KIF26B: variants seen among roughly 807,000 people sequenced by gnomAD.
The protein encoded by KIF26B is kinesin family member 26B.
KIF26B carries 63 observed loss-of-function variants against 151.2 expected under a neutral mutation model. The ratio of observed to expected loss-of-function variants is 0.42; its 90% CI spans 0.34 to 0.51. KIF26B has a LOEUF of 0.51. KIF26B is among the 20% of genes least tolerant of loss of function. KIF26B has a pLI of 0.07. For missense variants in KIF26B, 2,813 were observed against 2,913.6 expected, an observed-to-expected ratio of 0.97 and a Z score of 0.79; for synonymous variants, 1,357 against 1,262.1, an observed-to-expected ratio of 1.08 and a Z score of -1.59.
intron 5 of KIF26B, among the ~76,000 whole-genome samples, chr1:245,566,876 G>A (rs1363786941): frequency 3.9e-5 from 6 of 152,300 alleles, no homozygotes; most frequent in Middle Eastern, 3.4e-3. Flanking sequence ...GCAGAAAGCC[G>A]AGATTGCACC....
chr1:245,323,455 C>CGTT (rs1671924767), intron 2 of KIF26B, among the ~76,000 whole-genome samples: 1 of 152,170 alleles, frequency 6.6e-6, no homozygotes, highest in Non-Finnish European at 1.5e-5. Context: ...AAATTATGAA[C>CGTT]AAGTTTGGAA....
intron 5 of KIF26B, among the ~76,000 whole-genome samples, chr1:245,541,859 C>T (rs1015295276): frequency 2.6e-5 from 4 of 152,080 alleles, no homozygotes; most frequent in Non-Finnish European, 4.4e-5. Context: ...TACCCAAACA[C>T]GGTCATGGCT....
chr1:245,235,740 AG>A (rs1043854605), intron 2 of KIF26B, among the ~76,000 whole-genome samples: 2 of 152,114 alleles, frequency 1.3e-5, no homozygotes, highest in Admixed American at 1.3e-4. Context: ...AGAAAACTGG[AG>A]TAAAGTCTGA....
intron 4 of KIF26B, among the ~76,000 whole-genome samples, chr1:245,478,448 G>A (rs1290198853): frequency 6.0e-4 from 12 of 20,140 alleles, no homozygotes; most frequent in African/African-American, 1.7e-3. Context: ...TTTTTTTTGA[G>A]ACGGAGTCTT....
In KIF26B at chr1:245,287,494, C is replaced by CTTTTTTTTTTTTTTTTTTTTTT. The variant is rs1157634485; in HGVS notation, c.466-79339_466-79338insTTTTTTTTTTTTTTTTTTTTTT. Among the ~76,000 whole-genome samples, 2 of 113,172 alleles carry CTTTTTTTTTTTTTTTTTTTTTT rather than the reference C, an allele frequency of 1.8e-5. 1 individual carries two copies. The highest frequency in any genetic ancestry group is 3.4e-5 in the Non-Finnish European group (2 of 58,474). The allele number at this position is 113,172 out of a possible 152,430, so 74.2% of individuals were successfully genotyped here. A position where few individuals can be genotyped will look rare whatever the true frequency, so the allele number is the denominator to read the frequency against. ...GGGTCCCTGTGTGTCTCATCTCTCTCTCTCTTTTTTTTTTTTTTTTTTTCC... is the reference window on the plus strand; with the variant it reads ...GGGTCCCTGTGTGTCTCATCTCTCTCTTTTTTTTTTTTTTTTTTTTTTTCTCTTTTTTTTTTTTTTTTTTTCC... On this transcript the variant is annotated intron_variant, in intron 2 of 14. Coordinates refer to ENST00000407071, the MANE Select transcript of KIF26B (RefSeq NM_018012.4).
chr1:245,612,491 T>C (rs1005940501), intron 9 of KIF26B, among the ~76,000 whole-genome samples: 14 of 152,314 alleles, frequency 9.2e-5, no homozygotes, highest in South Asian at 4.1e-4. Flanking sequence ...TGAAGTTCAC[T>C]TTTGAACTGT....
chr1:245,347,812 G>A (rs1672483849), intron 2 of KIF26B, among the ~76,000 whole-genome samples: 1 of 152,188 alleles, frequency 6.6e-6, no homozygotes, highest in Non-Finnish European at 1.5e-5. Flanking sequence ...GATAATAATT[G>A]TAATCTGATC....
At chr1:245,335,731 AG>A (rs1672209400) in intron 2 of KIF26B, among the ~76,000 whole-genome samples, 1 of 141,680 alleles carries the variant, frequency 7.1e-6, no homozygotes, top group African/African-American at 2.7e-5. Context: ...GAGTCCCACG[AG>A]GGGAAAGGAG....
intron 4 of KIF26B, among the ~76,000 whole-genome samples, chr1:245,482,641 G>A (rs1660192138): frequency 6.6e-6 from 1 of 151,756 alleles, no homozygotes; most frequent in Non-Finnish European, 1.5e-5. Context: ...AGCTGGGTAG[G>A]AGAGGGTTGG....
intron 2 of KIF26B, among the ~76,000 whole-genome samples, chr1:245,173,492 T>C (rs1668748588): frequency 6.6e-6 from 1 of 152,170 alleles, no homozygotes; most frequent in Non-Finnish European, 1.5e-5. Context: ...ACGTACAATC[T>C]GGCCACCAGA....
At position 245,688,436 on chromosome 1, in the gene KIF26B, C is replaced by T; in HGVS notation, c.5453C>T (p.Ala1818Val). 7.2e-7 allele frequency: 1 copy of T among 1,390,654 alleles called. No individual in the cohort carries two copies. The highest frequency in any genetic ancestry group is 1.7e-5 in the South Asian group (1 of 59,214). 86.1% of individuals were successfully genotyped at this position (1,390,654 alleles called of 1,614,324 possible). ...GAGCTGCTGCAGGGTGGCGCGGGCG[C>T]CCGGGGCTTGCAGCTGCGGGCCGGG... ...ISELLQGGAG[A>V]RGLQLRAGPE... Residue 1818 changes from alanine (A) to valine (V), a missense_variant, in exon 12 of 15, where the codon GCC becomes GTC. Transcript: ENST00000407071.
In KIF26B at chr1:245,701,717, T is replaced by TGTCA. The variant is rs147050976; in HGVS notation, c.6179-739_6179-736dup. 1.2e-3 allele frequency among the ~76,000 whole-genome samples: 184 copies of TGTCA among 152,328 alleles called. No homozygotes were observed. In the East Asian group the frequency reaches 0.02, roughly 16 times the overall value. ...TATTCTCACATGCCTTTAAAGACAC[T>TGTCA]GTCAGCAGAGGTGGAGGTCCCAGAG... On this transcript the variant is annotated intron_variant, in intron 14 of 14. Transcript: ENST00000407071.
intron 2 of KIF26B, among the ~76,000 whole-genome samples, chr1:245,351,305 G>A (rs572967774): frequency 1.3e-5 from 2 of 152,314 alleles, no homozygotes; most frequent in Admixed American, 6.5e-5. Flanking sequence ...TGGGCCTTGA[G>A]CTCCCTAGTT....
At chr1:245,517,559 A>T (rs537454633) in intron 4 of KIF26B, among the ~76,000 whole-genome samples, 3 of 152,332 alleles carry the variant, frequency 2.0e-5, no homozygotes, top group East Asian at 3.9e-4. Flanking sequence ...TTTGCCACAC[A>T]AACATTTATT....
chr1:245,583,105 G>T (rs1771532), intron 5 of KIF26B, among the ~76,000 whole-genome samples: 1 of 152,064 alleles, frequency 6.6e-6, no homozygotes, highest in Non-Finnish European at 1.5e-5. Context: ...TCCAACCTTC[G>T]ATCTAATTTG....
intron 2 of KIF26B, among the ~76,000 whole-genome samples, chr1:245,249,181 G>A (rs189409839): frequency 4.6e-5 from 7 of 152,172 alleles, no homozygotes; most frequent in East Asian, 3.9e-4. Context: ...GCATGATCTC[G>A]GCTCACTGCA....
chr1:245,252,158 C>T (rs1208296793), intron 2 of KIF26B, among the ~76,000 whole-genome samples: 1 of 151,434 alleles, frequency 6.6e-6, no homozygotes, highest in Non-Finnish European at 1.5e-5. Context: ...CATCTGTAGT[C>T]CCAGCTACTA....
chr1:245,457,687 A>G (rs753934198), intron 4 of KIF26B, among the ~76,000 whole-genome samples: 1 of 152,218 alleles, frequency 6.6e-6, no homozygotes, highest in Non-Finnish European at 1.5e-5. Context: ...TACAAATGGT[A>G]TCATACTTTG....
intron 9 of KIF26B, among the ~76,000 whole-genome samples, chr1:245,632,376 C>T (rs2043789818): frequency 6.6e-6 from 1 of 152,136 alleles, no homozygotes; most frequent in Non-Finnish European, 1.5e-5. Flanking sequence ...GAATTGTGAT[C>T]TAAGATGCTT....
Sources: gnomAD v4.1 joint callset for allele counts (sites outside exome capture counted in the v4.1 genomes callset) on GRCh38, gnomAD v4.1.1 for gene constraint, MANE v1.5 for transcripts, NCBI Gene and HGNC (gene_info 2026-07-23, HGNC 2026-07-21) for gene names.